Variants in RNF111 observed in about 807,000 individuals in gnomAD.
RNF111 encodes E3 ubiquitin-protein ligase Arkadia.
RNF111 carries 17 observed loss-of-function variants against 95.1 expected under a neutral mutation model. That is an observed-to-expected ratio of 0.18 (90% CI 0.12 to 0.27). The LOEUF (loss-of-function observed/expected upper bound fraction) is 0.27. Among genes scored for constraint, RNF111 ranks in the 10% least tolerant of loss-of-function variants. The pLI, the probability that RNF111 is intolerant of heterozygous loss-of-function variation, is 1.00. For missense variants in RNF111, 1,189 were observed against 1,210.4 expected (o/e 0.98, Z 0.26); for synonymous variants, 440 against 414.8 (o/e 1.06, Z -0.74).
intron 7 of RNF111, among the ~76,000 whole-genome samples, chr15:59,079,967 G>C (rs1348314693): frequency 2.0e-5 from 3 of 151,950 alleles, no homozygotes; most frequent in African/African-American, 7.3e-5. Context: ...ATAAGAAAAA[G>C]GTGAGTAATA....
At chr15:59,069,462 C>T (rs2042813853) in intron 6 of RNF111, among the ~76,000 whole-genome samples, 2 of 152,198 alleles carry the variant, frequency 1.3e-5, no homozygotes, top group South Asian at 4.1e-4. Flanking sequence ...AATAATACAG[C>T]TAGTTTGAGA....
intron 6 of RNF111, among the ~76,000 whole-genome samples, chr15:59,070,917 A>G (rs2042893694): frequency 6.6e-6 from 1 of 152,150 alleles, no homozygotes. Flanking sequence ...ATATAATTCC[A>G]TATATAACAT....
At chr15:59,002,555 TAA>T (rs35689684) in intron 1 of RNF111, among the ~76,000 whole-genome samples, 42 of 144,862 alleles carry the variant, frequency 2.9e-4, no homozygotes, top group Admixed American at 8.2e-4. Flanking sequence ...TGCATTTAAT[TAA>T]AAAAAAAAAA....
intron 1 of RNF111, among the ~76,000 whole-genome samples, chr15:59,002,471 G>A (rs1596042964): frequency 1.3e-5 from 2 of 151,878 alleles, no homozygotes; most frequent in African/African-American, 4.8e-5. Context: ...AAGTACGGTT[G>A]AGTAACATAT....
chr15:59,003,686 G>A (rs1396957857), intron 1 of RNF111, among the ~76,000 whole-genome samples: 6 of 152,346 alleles, frequency 3.9e-5, no homozygotes, highest in African/African-American at 1.2e-4. Flanking sequence ...ACAGGTGTGA[G>A]CCACTGCACG....
At chr15:59,091,642 G>T (rs2079056423) in intron 12 of RNF111, among the ~76,000 whole-genome samples, 1 of 152,092 alleles carries the variant, frequency 6.6e-6, no homozygotes, top group South Asian at 2.1e-4. Context: ...TCTACCCTCA[G>T]TTGCTTGTAT....
In RNF111 at chr15:59,055,730, C is replaced by A. The variant is rs1446239; in HGVS notation, c.1056C>A (p.Ser352=). Residue 352 remains serine, a synonymous_variant, in exon 4 of 14, where the codon TCC becomes TCA. Coordinates refer to ENST00000348370, the MANE Select transcript of RNF111 (RefSeq NM_017610.8). ...GHSRSHWSQG[S]SSHASRPQEP... is the part of the protein sequence containing the mutation. The stretch of plus-strand genomic sequence containing the variant: ...CCAGATCTCATTGGAGCCAGGGTTC[C>A]AGTTCTCATGCAAGTCGGCCACAGG... 576,506 of 1,612,668 alleles carry A rather than the reference C, an allele frequency of 0.36. 107,645 individuals carry two copies. Among genetic ancestry groups the A allele is most frequent in the African/African-American group, 0.62 (46,264 of 74,852 alleles).
At chr15:58,998,663 G>T (rs1157219356) in intron 1 of RNF111, among the ~76,000 whole-genome samples, 1 of 152,170 alleles carries the variant, frequency 6.6e-6, no homozygotes, top group Non-Finnish European at 1.5e-5. Flanking sequence ...AATGAAGTGA[G>T]CCGTTCACTT....
intron 1 of RNF111, among the ~76,000 whole-genome samples, chr15:59,028,232 A>G (rs2040723445): frequency 6.6e-6 from 1 of 152,194 alleles, no homozygotes; most frequent in Admixed American, 6.5e-5. Flanking sequence ...TATAAAGGGA[A>G]TCTTACATTA....
intron 1 of RNF111, among the ~76,000 whole-genome samples, chr15:59,017,563 C>G (rs987739690): frequency 3.3e-5 from 5 of 152,080 alleles, no homozygotes; most frequent in African/African-American, 9.7e-5. Flanking sequence ...CTCTTCAGTT[C>G]CAATCTCCAA....
intron 1 of RNF111, chr15:59,004,099 G>C: frequency 9.1e-7 from 1 of 1,096,766 alleles, no homozygotes; most frequent in Non-Finnish European, 1.1e-6. Context: ...CAGACTCTTG[G>C]ATTTATTTAT....
At chr15:59,068,185 A>G (rs920887721) in intron 6 of RNF111, among the ~76,000 whole-genome samples, 8 of 152,050 alleles carry the variant, frequency 5.3e-5, no homozygotes, top group African/African-American at 1.9e-4. Flanking sequence ...ACGCCATTGC[A>G]CTCCAGCCTG....
chr15:59,066,737 A>T (rs771812966), intron 5 of RNF111, 27 bp from the exon 6 acceptor site: 14 of 1,569,626 alleles, frequency 8.9e-6, no homozygotes, highest in Non-Finnish European at 1.1e-5. Flanking sequence ...TGATTTGATT[A>T]TTCTGTGCAT....
At chr15:59,057,605 A>C (rs2042251081) in intron 4 of RNF111, among the ~76,000 whole-genome samples, 2 of 152,206 alleles carry the variant, frequency 1.3e-5, no homozygotes, top group Non-Finnish European at 2.9e-5. Flanking sequence ...CATAAGTTGA[A>C]GTCTACCTGA....
chr15:59,035,660 A>G (rs899735938), intron 2 of RNF111, among the ~76,000 whole-genome samples: 1 of 152,148 alleles, frequency 6.6e-6, no homozygotes. Flanking sequence ...TTTTGCATAT[A>G]CCCTAAATCA....
chr15:58,990,602 A>T (rs1055869530), intron 1 of RNF111, among the ~76,000 whole-genome samples: 1 of 152,188 alleles, frequency 6.6e-6, no homozygotes, highest in Non-Finnish European at 1.5e-5. Context: ...GTAAGCGGAG[A>T]TCGTGCCACT....
chr15:59,031,418 G>A lies in RNF111; in HGVS notation c.596G>A (p.Arg199Lys). The change falls in exon 2 of 14, where the codon AGA (arginine) becomes AAA (lysine). Residue 199 changes from arginine to lysine, a missense_variant. Coordinates refer to ENST00000348370, the MANE Select transcript of RNF111 (RefSeq NM_017610.8). ...TESVSGLLMK[R>K]PCLHGSSLRR... ...TCTGTATCGGGATTGTTAATGAAAA[G>A]ACCCTGTTTACATGGCAGTTCGTTA... 6.2e-7 allele frequency: 1 copy of A among 1,614,214 alleles called. No individual in the cohort carries two copies. Among genetic ancestry groups the A allele is most frequent in the Non-Finnish European group, 8.5e-7 (1 of 1,180,046 alleles).
chr15:59,033,172 C>A (rs1378744026), intron 2 of RNF111, among the ~76,000 whole-genome samples: 1 of 152,198 alleles, frequency 6.6e-6, no homozygotes, highest in African/African-American at 2.4e-5. Context: ...CTAACATAAG[C>A]TTTCTCAGTT....
At chr15:59,069,224 C>A (rs2042803963) in intron 6 of RNF111, among the ~76,000 whole-genome samples, 1 of 151,938 alleles carries the variant, frequency 6.6e-6, no homozygotes, top group East Asian at 1.9e-4. Flanking sequence ...AATGGATTGT[C>A]CAGACCTGTC....
Sources: gnomAD v4.1 joint callset for allele counts (sites outside exome capture counted in the v4.1 genomes callset) on GRCh38, gnomAD v4.1.1 for gene constraint, MANE v1.5 for transcripts, NCBI Gene and HGNC (gene_info 2026-07-23, HGNC 2026-07-21) for gene names.